UBR7: variants seen among roughly 807,000 people sequenced by gnomAD.
UBR7 encodes the protein ubiquitin protein ligase E3 component n-recognin 7.
In UBR7, 22 loss-of-function variants were observed where a neutral mutation model predicts 57.0. The observed-to-expected ratio is 0.39, with a 90% CI of 0.28 to 0.55. The LOEUF (loss-of-function observed/expected upper bound fraction) is 0.55, where lower values mean the gene tolerates loss of function less well. UBR7 is among the 20% of genes least tolerant of loss of function. The pLI is 0.69. For synonymous variants in UBR7, 167 were observed against 179.8 expected (o/e 0.93, Z 0.57); for missense variants, 395 against 513.2 (o/e 0.77, Z 2.23).
At chr14:93,217,081 C>T (rs1398749606) in intron 6 of UBR7, among the ~76,000 whole-genome samples, 7 of 152,128 alleles carry the variant, frequency 4.6e-5, no homozygotes, top group Non-Finnish European at 1.0e-4. Context: ...GGCTGGAGTG[C>T]AGTGGCACAA....
chr14:93,217,229 G>A (rs1471126717), intron 6 of UBR7, among the ~76,000 whole-genome samples: 1 of 152,152 alleles, frequency 6.6e-6, no homozygotes, highest in Non-Finnish European at 1.5e-5. Flanking sequence ...GTTTCACCAT[G>A]TTGGCCAGGC....
At chr14:93,219,716 G>A (rs1350134623) in intron 8 of UBR7, among the ~76,000 whole-genome samples, 3 of 152,234 alleles carry the variant, frequency 2.0e-5, no homozygotes, top group Non-Finnish European at 4.4e-5. Flanking sequence ...GCTCACGCCT[G>A]TAATCCCAGC....
intron 4 of UBR7, 88 bp from the exon 5 acceptor site, chr14:93,214,841 T>A: frequency 8.5e-7 from 1 of 1,180,810 alleles, no homozygotes; most frequent in Non-Finnish European, 1.3e-6. Context: ...GTAGAACAAA[T>A]ATTTAGTATC....
intron 10 of UBR7, 69 bp from the exon 11 acceptor site, chr14:93,226,873 GA>G: frequency 9.9e-7 from 1 of 1,005,056 alleles, no homozygotes; most frequent in African/African-American, 1.6e-5. Context: ...ACTTGTTTGT[GA>G]ATGCTATGAC....
Position 93,218,646 on chromosome 14 carries a change from C to G in UBR7, c.721C>G (p.Pro241Ala). 1 of 1,614,018 alleles carries G rather than the reference C, an allele frequency of 6.2e-7. No homozygotes were observed. The highest frequency in any genetic ancestry group is 2.2e-5 in the East Asian group (1 of 44,876). ...HQDSTLKEDV[P>A]EQGKDDVREV... ...AGATAGTACCCTCAAAGAGGATGTT[C>G]CAGAACAGGGAAAGGATGATGTCCG... Residue 241 changes from proline to alanine, a missense_variant, in exon 7 of 11, where the codon CCA becomes GCA. Transcript: ENST00000013070.
In UBR7 at chr14:93,227,084, A is replaced by G. The variant is rs933843290; in HGVS notation, c.*49A>G. On this transcript the variant is annotated 3_prime_UTR_variant, in exon 11 of 11. Transcript: ENST00000013070. The stretch of plus-strand genomic sequence containing the variant: ...TCAAGCCAATGAAAATGCGCTTCCC[A>G]TTCTTGGAATAAAAGAGGTGTGGTT... The G allele has an allele frequency of 7.1e-7, 1 of 1,406,504 alleles. No individual in the cohort carries two copies. Among genetic ancestry groups the G allele is most frequent in the African/African-American group, 1.4e-5 (1 of 70,512 alleles). The allele number at this position is 1,406,504 out of a possible 1,614,324, so 87.1% of individuals were successfully genotyped here.
intron 3 of UBR7, among the ~76,000 whole-genome samples, chr14:93,211,451 G>T (rs552643235): frequency 3.2e-4 from 48 of 151,804 alleles, no homozygotes; most frequent in Non-Finnish European, 5.3e-4. Flanking sequence ...GGAGGCTGAG[G>T]CAGGAGAATC....
At chr14:93,209,665 G>T (rs1295894742) in intron 1 of UBR7, among the ~76,000 whole-genome samples, 159 bp from the exon 2 acceptor site, 2 of 152,208 alleles carry the variant, frequency 1.3e-5, no homozygotes, top group Non-Finnish European at 2.9e-5. Context: ...CTGTGTTTTG[G>T]TTGATGCTCT....
At position 93,228,044 on chromosome 14, in the gene UBR7, A is replaced by T; in HGVS notation, c.*1009A>T. On this transcript the variant is annotated 3_prime_UTR_variant, in exon 11 of 11. Coordinates refer to ENST00000013070, the MANE Select transcript of UBR7 (RefSeq NM_175748.4). ...AAGAAAACAGATCCTGACTTAGCTT[A>T]CTTGAAATAAGCAGGGCAGGGAGCC... 1 of 696,282 alleles carries T rather than the reference A, an allele frequency of 1.4e-6. No individual in the cohort carries two copies. The highest frequency in any genetic ancestry group is 2.6e-6 in the Non-Finnish European group (1 of 382,624). 43.1% of individuals were successfully genotyped at this position (696,282 alleles called of 1,614,324 possible). A position where few individuals can be genotyped will look rare whatever the true frequency, so the allele number is the denominator to read the frequency against.
intron 8 of UBR7, among the ~76,000 whole-genome samples, chr14:93,219,946 G>A (rs987640283): frequency 6.6e-6 from 1 of 151,278 alleles, no homozygotes; most frequent in Non-Finnish European, 1.5e-5. Flanking sequence ...TTGCACTCCA[G>A]CCTGGGCAAC....
chr14:93,213,078 C>A (rs1172160047), intron 4 of UBR7, among the ~76,000 whole-genome samples: 1 of 152,036 alleles, frequency 6.6e-6, no homozygotes, highest in Non-Finnish European at 1.5e-5. Flanking sequence ...GCAGAGGTTG[C>A]AGTAAGCTGG....
intron 9 of UBR7, among the ~76,000 whole-genome samples, chr14:93,220,967 A>G (rs1894692758): frequency 6.6e-6 from 1 of 152,030 alleles, no homozygotes; most frequent in Non-Finnish European, 1.5e-5. Context: ...TTATTTTGAG[A>G]CAGGGTCTTG....
chr14:93,219,503 A>G (rs1319961288), intron 8 of UBR7, 142 bp downstream of exon 8: 3 of 1,179,276 alleles, frequency 2.5e-6, no homozygotes, highest in Non-Finnish European at 2.4e-6. Flanking sequence ...TATTTATGAA[A>G]TTAATGTTTA....
At position 93,220,364 on chromosome 14, in the gene UBR7, A is replaced by T. The variant is rs1226466467; in HGVS notation, c.1076A>T (p.Asp359Val). ...ACTGACAGGAGCGATCCCCTAATGG[A>T]TACCCTTAGCAGCATGAATAGAGTC... is the stretch of plus-strand genomic sequence containing the variant. ...QATDRSDPLM[D>V]TLSSMNRVQQ... Residue 359 changes from aspartate to valine, a missense_variant, in exon 9 of 11, where the codon GAT becomes GTT. Transcript: ENST00000013070. 1 of 1,613,934 alleles carries T rather than the reference A, an allele frequency of 6.2e-7. No homozygotes were observed. The highest frequency in any genetic ancestry group is 1.7e-5 in the Admixed American group (1 of 59,986).
chr14:93,225,861 G>C (rs1335366653), intron 10 of UBR7, among the ~76,000 whole-genome samples: 5 of 152,110 alleles, frequency 3.3e-5, no homozygotes, highest in Non-Finnish European at 7.3e-5. Context: ...TTACTTACGG[G>C]CTTTCTGTGG....
At position 93,218,253 on chromosome 14, in the gene UBR7, T is replaced by C. The variant is rs1321849145; in HGVS notation, c.602-274T>C. Among the ~76,000 whole-genome samples, 3 of 151,370 alleles carry C rather than the reference T, an allele frequency of 2.0e-5. No individual in the cohort carries two copies. In the East Asian group the frequency reaches 5.8e-4, roughly 29 times the overall value. On this transcript the variant is annotated intron_variant, in intron 6 of 10. Transcript: ENST00000013070. ...GGCGAAACCCCGTCTCTACTAAAAA[T>C]ACAAAAAATTAGCCAGTCATGGTGG...
chr14:93,224,525 C>A (rs1180494930), intron 10 of UBR7, among the ~76,000 whole-genome samples: 2 of 151,820 alleles, frequency 1.3e-5, no homozygotes, highest in Non-Finnish European at 2.9e-5. Flanking sequence ...CTACAGGCAC[C>A]CGCCACCACG....
intron 1 of UBR7, among the ~76,000 whole-genome samples, chr14:93,209,192 A>G (rs1894430573): frequency 6.6e-6 from 1 of 152,240 alleles, no homozygotes; most frequent in East Asian, 1.9e-4. Context: ...AAAATTTTGA[A>G]CTATTTAAAA....
chr14:93,210,798 CA>C (rs1451789867), intron 3 of UBR7, 90 bp downstream of exon 3: 9 of 1,122,628 alleles, frequency 8.0e-6, no homozygotes, highest in Non-Finnish European at 1.0e-5. Flanking sequence ...CTGTATTTTC[CA>C]AAAAAAGAAG....
Sources: gnomAD v4.1 joint callset for allele counts (sites outside exome capture counted in the v4.1 genomes callset) on GRCh38, gnomAD v4.1.1 for gene constraint, MANE v1.5 for transcripts, NCBI Gene and HGNC (gene_info 2026-07-23, HGNC 2026-07-21) for gene names.